Variants in NBAS observed in about 807,000 individuals in gnomAD.
NBAS encodes NBAS subunit of NRZ tethering complex, also known as NAG/BC035112 fusion.
In NBAS, 219 loss-of-function variants were observed where a neutral mutation model predicts 302.5. That is an observed-to-expected ratio of 0.72 (90% CI 0.65 to 0.81). NBAS has a LOEUF of 0.81. Among genes scored for constraint, NBAS ranks in the 30% least tolerant of loss-of-function variants. The probability of loss-of-function intolerance (pLI) is 0.00; values close to 1 mark genes in which losing one functional copy is unlikely to be tolerated. For synonymous variants in NBAS, 1,118 were observed against 1,021.6 expected, an observed-to-expected ratio of 1.09 and a Z score of -1.80; for missense variants, 2,932 against 2,841.6, an observed-to-expected ratio of 1.03 and a Z score of -0.72.
At chr2:15,338,929 C>A (rs892134208) in intron 35 of NBAS, among the ~76,000 whole-genome samples, 2 of 152,158 alleles carry the variant, frequency 1.3e-5, no homozygotes, top group Non-Finnish European at 2.9e-5. Flanking sequence ...AGAAGGATCA[C>A]TTAAGCCCCG....
At chr2:14,916,874 A>G in the NBAS span, among the ~76,000 whole-genome samples, 2 of 152,178 alleles carry the variant, frequency 1.3e-5, no homozygotes, top group African/African-American at 4.8e-5. Flanking sequence ...TCCCAGGCCT[A>G]TTCTCAACTC....
chr2:14,897,893 G>C, the NBAS span, among the ~76,000 whole-genome samples: 1 of 152,192 alleles, frequency 6.6e-6, no homozygotes, highest in Non-Finnish European at 1.5e-5. Context: ...CTCCTGGGAA[G>C]ACTGGGGGTT....
chr2:14,860,213 C>A, the NBAS span, among the ~76,000 whole-genome samples: 14 of 151,980 alleles, frequency 9.2e-5, no homozygotes, highest in African/African-American at 1.9e-4. Context: ...AAAGAGAGAA[C>A]CCTGGCACAT....
chr2:15,412,483 T>C (rs1360125852), intron 25 of NBAS, among the ~76,000 whole-genome samples: 1 of 152,210 alleles, frequency 6.6e-6, no homozygotes, highest in Non-Finnish European at 1.5e-5. Flanking sequence ...TACTAAGATA[T>C]AGATGTCACT....
At chr2:15,110,660 G>T in the NBAS span, among the ~76,000 whole-genome samples, 1 of 152,116 alleles carries the variant, frequency 6.6e-6, no homozygotes, top group Middle Eastern at 3.4e-3. Context: ...TGATTGGAGG[G>T]TACTTCTCTG....
chr2:15,039,746 C>G, the NBAS span, among the ~76,000 whole-genome samples: 32 of 152,320 alleles, frequency 2.1e-4, no homozygotes, highest in African/African-American at 7.7e-4. Context: ...TCGGACACCC[C>G]AGCCACTGAT....
At chr2:15,451,926 A>T (rs1242132737) in intron 21 of NBAS, among the ~76,000 whole-genome samples, 3 of 152,076 alleles carry the variant, frequency 2.0e-5, no homozygotes, top group Non-Finnish European at 4.4e-5. Flanking sequence ...ACAAGTAGAA[A>T]CCACTCTAAA....
chr2:15,549,969 A>C (rs1415648776), intron 6 of NBAS, among the ~76,000 whole-genome samples: 1 of 152,074 alleles, frequency 6.6e-6, no homozygotes, highest in Non-Finnish European at 1.5e-5. Context: ...CCTGGGCAAC[A>C]AGGCAAGACC....
At chr2:15,071,736 C>T in the NBAS span, among the ~76,000 whole-genome samples, 4 of 151,442 alleles carry the variant, frequency 2.6e-5, no homozygotes, top group African/African-American at 7.3e-5. Flanking sequence ...AGCAGAAGCA[C>T]GAGGATTCAG....
chr2:15,114,631 AAAG>A, the NBAS span, among the ~76,000 whole-genome samples: 1 of 152,126 alleles, frequency 6.6e-6, no homozygotes, highest in Non-Finnish European at 1.5e-5. Flanking sequence ...AAAGAAAAAT[AAAG>A]GAGGGAGGAC....
chr2:14,969,843 G>A, the NBAS span, among the ~76,000 whole-genome samples: 1 of 152,134 alleles, frequency 6.6e-6, no homozygotes, highest in South Asian at 2.1e-4. Context: ...AAGGCTTCGG[G>A]TGGTGGGGGG....
chr2:14,884,719 C>T, the NBAS span, among the ~76,000 whole-genome samples: 10 of 151,972 alleles, frequency 6.6e-5, no homozygotes, highest in East Asian at 1.9e-4. Context: ...GCATACAGTA[C>T]GAAAACAAAT....
At chr2:15,029,496 A>G in the NBAS span, among the ~76,000 whole-genome samples, 1 of 152,236 alleles carries the variant, frequency 6.6e-6, no homozygotes, top group Non-Finnish European at 1.5e-5. Flanking sequence ...AAAATACAGA[A>G]GTCAAACTAG....
chr2:15,223,038 C>T (rs150910268), intron 47 of NBAS, among the ~76,000 whole-genome samples: 225 of 152,150 alleles, frequency 1.5e-3, no homozygotes, highest in Middle Eastern at 3.4e-3. Context: ...CTGGAAGCAC[C>T]GAGTCATAGA....
At chr2:15,524,700 C>T (rs1186582216) in intron 9 of NBAS, among the ~76,000 whole-genome samples, 7 of 152,058 alleles carry the variant, frequency 4.6e-5, no homozygotes, top group Non-Finnish European at 1.0e-4. Context: ...AGTCATTATC[C>T]CATTGATCCT....
chr2:15,458,864 G>A (rs372346173), intron 21 of NBAS, among the ~76,000 whole-genome samples: 8 of 104,016 alleles, frequency 7.7e-5, no homozygotes, highest in East Asian at 6.1e-4. Context: ...TTTTCCAAAT[G>A]TGTTTGAAAA....
intron 28 of NBAS, among the ~76,000 whole-genome samples, chr2:15,386,323 A>C (rs1329648620): frequency 6.6e-6 from 1 of 152,218 alleles, no homozygotes; most frequent in Non-Finnish European, 1.5e-5. Flanking sequence ...CAGCTCTTAA[A>C]AGATAGGAAG....
chr2:15,276,725 T>G, intron 43 of NBAS, 126 bp downstream of exon 43: 2 of 1,395,354 alleles, frequency 1.4e-6, no homozygotes, highest in Non-Finnish European at 2.0e-6. Flanking sequence ...CTAAAGTCGA[T>G]TAGCTTCAAA....
At chr2:15,098,448 ATATT>A in the NBAS span, among the ~76,000 whole-genome samples, 136 of 92,468 alleles carry the variant, frequency 1.5e-3, no homozygotes, top group African/African-American at 2.3e-3. Flanking sequence ...TGTATATTGT[ATATT>A]ATATATTATA....
Sources: gnomAD v4.1 joint callset for allele counts (sites outside exome capture counted in the v4.1 genomes callset) on GRCh38, gnomAD v4.1.1 for gene constraint, MANE v1.5 for transcripts, NCBI Gene and HGNC (gene_info 2026-07-23, HGNC 2026-07-21) for gene names.